The following DDI2 variants were observed in gnomAD, a reference collection of about 807,000 sequenced individuals.
DDI2 encodes the protein DDI proteasomal shuttling factor 2.
A neutral mutation model predicts 48.1 loss-of-function variants in DDI2; 5 were observed. The observed-to-expected ratio is 0.10, with a 90% CI of 0.05 to 0.22. The LOEUF is 0.22. DDI2 is among the 10% of genes least tolerant of loss of function. DDI2 has a pLI of 1.00. For synonymous variants in DDI2, 205 were observed against 183.6 expected, an observed-to-expected ratio of 1.12 and a Z score of -0.94; for missense variants, 285 against 506.2, an observed-to-expected ratio of 0.56 and a Z score of 4.19.
At chr1:15,651,278 A>G (rs1640177991) in intron 7 of DDI2, among the ~76,000 whole-genome samples, 1 of 152,224 alleles carries the variant, frequency 6.6e-6, no homozygotes, top group Admixed American at 6.5e-5. Flanking sequence ...GATGTAAATC[A>G]TATATGTGCA....
chr1:15,634,399 C>A (rs948177461), intron 4 of DDI2: 1 of 152,550 alleles, frequency 6.6e-6, no homozygotes, highest in Non-Finnish European at 1.5e-5. Context: ...ACGATACTTA[C>A]TACACTTAGA....
chr1:15,626,573 A>G (rs1294030181), intron 1 of DDI2, 96 bp from the exon 2 acceptor site: 40 of 1,536,754 alleles, frequency 2.6e-5, no homozygotes, highest in Non-Finnish European at 3.4e-5. Flanking sequence ...GTTTGAAAGG[A>G]GGGTGACATC....
chr1:15,653,140 T>A (rs1210309584), intron 8 of DDI2, among the ~76,000 whole-genome samples: 4 of 152,138 alleles, frequency 2.6e-5, no homozygotes, highest in Admixed American at 6.5e-5. Flanking sequence ...TTTAGGAAGT[T>A]TTTTTTGGAT....
At chr1:15,657,684 G>C (rs1334570723) in intron 9 of DDI2, among the ~76,000 whole-genome samples, 1 of 152,096 alleles carries the variant, frequency 6.6e-6, no homozygotes, top group Non-Finnish European at 1.5e-5. Flanking sequence ...TCTTTATGTT[G>C]CTTACATGGA....
intron 2 of DDI2, among the ~76,000 whole-genome samples, chr1:15,628,850 C>A (rs1639799589): frequency 6.6e-6 from 1 of 152,180 alleles, no homozygotes; most frequent in African/African-American, 2.4e-5. Flanking sequence ...CATTTATAGT[C>A]ATTTCCCATT....
chr1:15,652,058 C>CTTTTTTTTTTTT lies in DDI2; in HGVS notation c.1183+176_1183+187dup, dbSNP rs772990709. Among the ~76,000 whole-genome samples, 19 of 75,976 alleles carry CTTTTTTTTTTTT rather than the reference C, an allele frequency of 2.5e-4. 1 individual carries two copies. The highest frequency in any genetic ancestry group is 1.2e-3 in the African/African-American group (19 of 15,220). 49.8% of individuals were successfully genotyped at this position (75,976 alleles called of 152,430 possible). ...TTCTTAACCTCCTTCTTTGATCTTC[C>CTTTTTTTTTTTT]TTTTTTTTTTTTTTTTTTTTTTTTG... On this transcript the variant is annotated intron_variant, in intron 8 of 9. Coordinates refer to ENST00000480945, the MANE Select transcript of DDI2 (RefSeq NM_032341.5).
chr1:15,632,589 C>T (rs1004630476), intron 3 of DDI2, among the ~76,000 whole-genome samples: 3 of 152,104 alleles, frequency 2.0e-5, no homozygotes, highest in Admixed American at 6.6e-5. Flanking sequence ...TTATAGCAAG[C>T]AGTGTTTTCT....
Position 15,661,453 on chromosome 1 carries a change from C to T in DDI2, c.*1663C>T. 2 of 1,613,998 alleles carry T rather than the reference C, an allele frequency of 1.2e-6. No individual in the cohort carries two copies. Among genetic ancestry groups the T allele is most frequent in the Admixed American group, 1.7e-5 (1 of 59,992 alleles). ...GGTTAAAGACTTAGGTCAGGGCATA[C>T]AGAATTCAGTAACAGACAGGCCTGA... On this transcript the variant is annotated 3_prime_UTR_variant, in exon 10 of 10. Transcript: ENST00000480945.
At chr1:15,652,789 C>T (rs1570988852) in intron 8 of DDI2, among the ~76,000 whole-genome samples, 1 of 151,742 alleles carries the variant, frequency 6.6e-6, no homozygotes, top group East Asian at 1.9e-4. Flanking sequence ...CACCACTGCA[C>T]TCCAGCCTGG....
At chr1:15,658,774 T>C (rs1432332804) in intron 9 of DDI2, among the ~76,000 whole-genome samples, 2 of 150,340 alleles carry the variant, frequency 1.3e-5, no homozygotes, top group Non-Finnish European at 3.0e-5. Flanking sequence ...AAAAAATTCT[T>C]ACACTTACAT....
At chr1:15,644,246 T>A (rs932263717) in intron 6 of DDI2, among the ~76,000 whole-genome samples, 1 of 152,204 alleles carries the variant, frequency 6.6e-6, no homozygotes, top group African/African-American at 2.4e-5. Flanking sequence ...TTTTGGAATT[T>A]AACTTGACTG....
rs1433275542 is a variant in DDI2, at chr1:15,630,389, G to C, written c.333G>C (p.Gln111His). 1 of 1,614,102 alleles carries C rather than the reference G, an allele frequency of 6.2e-7. No homozygotes were observed. Among genetic ancestry groups the C allele is most frequent in the Non-Finnish European group, 8.5e-7 (1 of 1,180,054 alleles). Reference protein sequence around the residue: ...VPGTSSPRQRQPPGTQQSHSS... With the variant: ...VPGTSSPRQRHPPGTQQSHSS... ...GCACATCAAGTCCCCGGCAGCGCCA[G>C]CCACCAGGAACACAGCAGTCCCACT... is the stretch of plus-strand genomic sequence containing the variant. The change falls in exon 3 of 10, where the codon CAG becomes CAC. Residue 111 changes from glutamine to histidine, a missense_variant. By Grantham distance (24) the Gln-to-His change is conservative. Around this residue, in one of 3 missense-constraint regions of DDI2, gnomAD observed 149 missense variants for 236.5 expected, o/e 0.63. Transcript: ENST00000480945.
intron 2 of DDI2, among the ~76,000 whole-genome samples, chr1:15,628,438 G>C (rs891366420): frequency 1.6e-4 from 24 of 152,338 alleles, no homozygotes; most frequent in African/African-American, 5.5e-4. Context: ...TCCCAGACTT[G>C]AGACAAGTTT....
intron 6 of DDI2, among the ~76,000 whole-genome samples, chr1:15,647,837 G>A (rs1640114921): frequency 6.6e-6 from 1 of 151,970 alleles, no homozygotes; most frequent in South Asian, 2.1e-4. Context: ...ATGACCGTAC[G>A]CCTGTAGTCC....
intron 5 of DDI2, 96 bp downstream of exon 5, chr1:15,638,530 C>CTTTTTTTT (rs775059343): frequency 3.5e-6 from 2 of 573,196 alleles, no homozygotes; most frequent in Non-Finnish European, 4.8e-6. Context: ...GATGGCTGTA[C>CTTTTTTTT]TTTTTTTTTT....
chr1:15,628,596 C>G (rs903554454), intron 2 of DDI2, among the ~76,000 whole-genome samples: 3 of 152,222 alleles, frequency 2.0e-5, no homozygotes, highest in African/African-American at 4.8e-5. Flanking sequence ...GTTGTTCAGA[C>G]AAGTTTGACC....
chr1:15,644,595 T>G (rs1304175432), intron 6 of DDI2, among the ~76,000 whole-genome samples: 13 of 129,834 alleles, frequency 1.0e-4, no homozygotes, highest in Middle Eastern at 3.8e-3. Flanking sequence ...TTGTTTTTTT[T>G]TTTTTTTTTT....
At chr1:15,629,127 C>G (rs1457995168) in intron 2 of DDI2, among the ~76,000 whole-genome samples, 1 of 152,084 alleles carries the variant, frequency 6.6e-6, no homozygotes, top group Non-Finnish European at 1.5e-5. Context: ...TCTTTCTTTT[C>G]TATAAAATGA....
chr1:15,624,812 A>G (rs1251199831), intron 1 of DDI2, among the ~76,000 whole-genome samples: 1 of 152,032 alleles, frequency 6.6e-6, no homozygotes, highest in Non-Finnish European at 1.5e-5. Context: ...AAAATTTGCA[A>G]CCTCTGGCCT....
Sources: gnomAD v4.1 joint callset for allele counts (sites outside exome capture counted in the v4.1 genomes callset) on GRCh38, gnomAD v4.1.1 for gene constraint, gnomAD v4.1.1 regional missense constraint, MANE v1.5 for transcripts, NCBI Gene and HGNC (gene_info 2026-07-23, HGNC 2026-07-21) for gene names.